Variants in RGS17 observed in about 807,000 individuals in gnomAD.
RGS17 encodes regulator of G protein signaling 17, also known as regulator of G-protein signaling 17.
In RGS17, 12 loss-of-function variants were observed where a neutral mutation model predicts 25.5. That is an observed-to-expected ratio of 0.47 (90% CI 0.30 to 0.76). The LOEUF (loss-of-function observed/expected upper bound fraction) is 0.76, where lower values mean the gene tolerates loss of function less well. RGS17 is among the 30% of genes least tolerant of loss of function. The pLI is 0.07. For missense variants in RGS17, 196 were observed against 242.2 expected (o/e 0.81, Z 1.27); for synonymous variants, 71 against 76.9 (o/e 0.92, Z 0.40).
At chr6:153,022,296 C>T (rs925327562) in intron 4 of RGS17, among the ~76,000 whole-genome samples, 11 of 152,156 alleles carry the variant, frequency 7.2e-5, no homozygotes, top group African/African-American at 2.4e-5. Context: ...ACTATTGTAA[C>T]TCTAAACATG....
intron 3 of RGS17, 69 bp downstream of exon 3, chr6:153,026,385 T>C (rs1200007325): frequency 1.8e-6 from 2 of 1,101,000 alleles, no homozygotes; most frequent in Non-Finnish European, 1.4e-6. Flanking sequence ...GGGGTAATAC[T>C]GAGGCACGCA....
At chr6:153,048,661 T>A (rs1776416559) in intron 1 of RGS17, among the ~76,000 whole-genome samples, 1 of 152,206 alleles carries the variant, frequency 6.6e-6, no homozygotes, top group Non-Finnish European at 1.5e-5. Context: ...CAATTACGTG[T>A]CAAGACCTTT....
chr6:153,093,112 T>A (rs571371859), intron 1 of RGS17, among the ~76,000 whole-genome samples: 1 of 152,246 alleles, frequency 6.6e-6, no homozygotes, highest in African/African-American at 2.4e-5. Flanking sequence ...AACATTCTTT[T>A]ATTTTTTAAG....
rs888611118 is a variant in RGS17 at position 153,109,079 on chromosome 6, A to G, written c.-26+22045T>C. 3.4e-5 allele frequency among the ~76,000 whole-genome samples: 5 copies of G among 148,548 alleles called. No individual in the cohort carries two copies. In the Admixed American group the frequency reaches 3.4e-4, roughly 10 times the overall value. ...ACTATTTCTATAAAAGCCAAATGCA[A>G]TCAAACATTAGAAACAAGCAAATAA... On this transcript the variant is annotated intron_variant, in intron 1 of 4. Coordinates refer to ENST00000206262, the MANE Select transcript of RGS17 (RefSeq NM_012419.5).
chr6:153,021,428 G>A (rs969094752), intron 4 of RGS17, among the ~76,000 whole-genome samples: 6 of 152,178 alleles, frequency 3.9e-5, no homozygotes, highest in Non-Finnish European at 8.8e-5. Flanking sequence ...AACTGGCTTC[G>A]GAATAGCCGG....
At chr6:153,112,881 T>G (rs1447827178) in intron 1 of RGS17, among the ~76,000 whole-genome samples, 1 of 152,152 alleles carries the variant, frequency 6.6e-6, no homozygotes, top group African/African-American at 2.4e-5. Context: ...CTGAGAGATT[T>G]TGTCACCACC....
chr6:153,014,464 G>C (rs956729489), intron 4 of RGS17, among the ~76,000 whole-genome samples: 3 of 152,110 alleles, frequency 2.0e-5, no homozygotes, highest in Admixed American at 2.0e-4. Context: ...TGCAGCCCAT[G>C]GATCAAGAAG....
chr6:153,073,114 T>C (rs566418785), intron 1 of RGS17, among the ~76,000 whole-genome samples: 9 of 152,344 alleles, frequency 5.9e-5, no homozygotes, highest in African/African-American at 2.2e-4. Flanking sequence ...TTGTAGGATG[T>C]AGGTGTCCCC....
intron 4 of RGS17, among the ~76,000 whole-genome samples, chr6:153,014,929 G>T (rs1421759720): frequency 6.6e-6 from 1 of 152,178 alleles, no homozygotes; most frequent in East Asian, 1.9e-4. Context: ...GAACATTTGT[G>T]ATTCATCGAA....
At chr6:153,043,875 G>A (rs373353762) in intron 2 of RGS17, 25 bp downstream of exon 2, 14 of 1,460,588 alleles carry the variant, frequency 9.6e-6, no homozygotes, top group African/African-American at 1.4e-5. Context: ...CCTGGGTGTG[G>A]CATCCTACAG....
intron 1 of RGS17, among the ~76,000 whole-genome samples, chr6:153,092,727 G>GA (rs1353680735): frequency 6.6e-6 from 1 of 152,200 alleles, no homozygotes; most frequent in Non-Finnish European, 1.5e-5. Flanking sequence ...TTTAGCCTGT[G>GA]AATGTTTTGG....
chr6:153,032,960 T>C (rs1021590378), intron 2 of RGS17, among the ~76,000 whole-genome samples: 1 of 152,204 alleles, frequency 6.6e-6, no homozygotes, highest in Non-Finnish European at 1.5e-5. Context: ...TAACTACCAA[T>C]AGGTAGGAAA....
rs1406962423 is a variant in RGS17 at position 153,010,469 on chromosome 6, G to C, written c.*1105C>G. On this transcript the variant is annotated 3_prime_UTR_variant, in exon 5 of 5. Coordinates refer to ENST00000206262, the MANE Select transcript of RGS17 (RefSeq NM_012419.5). ...ATCCTTAAGATATTATGTGAAAACAGTTAAGGTCTGAAGTAGAGGATTATT... is the reference window on the plus strand; with the variant it reads ...ATCCTTAAGATATTATGTGAAAACACTTAAGGTCTGAAGTAGAGGATTATT... 1 of 152,018 alleles carries C rather than the reference G, an allele frequency of 6.6e-6. No homozygotes were observed. Among genetic ancestry groups the C allele is most frequent in the Non-Finnish European group, 1.5e-5 (1 of 67,892 alleles). 9.4% of individuals were successfully genotyped at this position (152,018 alleles called of 1,614,324 possible).
At chr6:153,097,299 T>G (rs1777230174) in intron 1 of RGS17, among the ~76,000 whole-genome samples, 1 of 138,468 alleles carries the variant, frequency 7.2e-6, no homozygotes, top group African/African-American at 2.7e-5. Context: ...GATTTTTTTT[T>G]TTTTTTTTTT....
chr6:153,077,713 A>G (rs139295643), intron 1 of RGS17, among the ~76,000 whole-genome samples: 1 of 152,324 alleles, frequency 6.6e-6, no homozygotes, highest in East Asian at 1.9e-4. Context: ...ATTATCATTG[A>G]CAACAAAACT....
chr6:153,066,604 C>T (rs1776711139), intron 1 of RGS17, among the ~76,000 whole-genome samples: 1 of 152,156 alleles, frequency 6.6e-6, no homozygotes, highest in Non-Finnish European at 1.5e-5. Context: ...CAACAAAATA[C>T]TAGCAAACCA....
chr6:153,088,957 T>C (rs912416819), intron 1 of RGS17, among the ~76,000 whole-genome samples: 3 of 152,154 alleles, frequency 2.0e-5, no homozygotes, highest in Non-Finnish European at 4.4e-5. Context: ...ATTTCAACTA[T>C]TTGAAATTGC....
chr6:153,106,174 A>C (rs1777381254), intron 1 of RGS17, among the ~76,000 whole-genome samples: 1 of 152,036 alleles, frequency 6.6e-6, no homozygotes, highest in Non-Finnish European at 1.5e-5. Context: ...TAAGAGTATG[A>C]GAAGGAAAGG....
chr6:153,028,737 T>C (rs1264724238), intron 2 of RGS17, among the ~76,000 whole-genome samples: 1 of 152,210 alleles, frequency 6.6e-6, no homozygotes, highest in African/African-American at 2.4e-5. Context: ...ATTGAGCTTC[T>C]ATGTGTGTGT....
Sources: gnomAD v4.1 joint callset for allele counts (sites outside exome capture counted in the v4.1 genomes callset) on GRCh38, gnomAD v4.1.1 for gene constraint, MANE v1.5 for transcripts, NCBI Gene and HGNC (gene_info 2026-07-23, HGNC 2026-07-21) for gene names.